The following SYNE2 variants were observed in gnomAD, a reference collection of about 807,000 sequenced individuals.
SYNE2 encodes nesprin-2.
In SYNE2, 431 loss-of-function variants were observed where a neutral mutation model predicts 856.3. That is an observed-to-expected ratio of 0.50 (90% CI 0.47 to 0.55). The LOEUF is 0.55. SYNE2 is among the 20% of genes least tolerant of loss of function. The probability of loss-of-function intolerance (pLI) is 0.00; values close to 1 mark genes in which losing one functional copy is unlikely to be tolerated. For synonymous variants in SYNE2, 2,923 were observed against 2,872.3 expected, an observed-to-expected ratio of 1.02 and a Z score of -0.56; for missense variants, 8,129 against 8,023.2, an observed-to-expected ratio of 1.01 and a Z score of -0.50.
chr14:64,016,715 T>C, intron 33 of SYNE2, 84 bp downstream of exon 33: 1 of 942,188 alleles, frequency 1.1e-6, no homozygotes, highest in Non-Finnish European at 1.6e-6. Flanking sequence ...TAATTCAAGA[T>C]TCAAAAATAC....
intron 6 of SYNE2, among the ~76,000 whole-genome samples, chr14:63,946,790 G>A (rs1056548441): frequency 4.0e-5 from 6 of 151,502 alleles, no homozygotes; most frequent in Non-Finnish European, 8.8e-5. Context: ...TAATGAAGAA[G>A]CATTCATAAT....
intron 61 of SYNE2, among the ~76,000 whole-genome samples, chr14:64,094,604 G>C (rs1340866859): frequency 6.6e-6 from 1 of 152,068 alleles, no homozygotes; most frequent in Non-Finnish European, 1.5e-5. Flanking sequence ...GTGAGACCTG[G>C]GGCAAGTGAT....
At chr14:63,819,936 C>G (rs1889150904) in intron 1 of SYNE2, among the ~76,000 whole-genome samples, 1 of 151,816 alleles carries the variant, frequency 6.6e-6, no homozygotes, top group Admixed American at 6.6e-5. Flanking sequence ...ATATAAAATG[C>G]TTAGGGAATA....
At chr14:63,959,477 T>C (rs1034556900) in intron 8 of SYNE2, among the ~76,000 whole-genome samples, 7 of 151,882 alleles carry the variant, frequency 4.6e-5, no homozygotes, top group South Asian at 2.1e-4. Context: ...TTTGTATTTT[T>C]AGTAGAGAGG....
intron 66 of SYNE2, among the ~76,000 whole-genome samples, chr14:64,117,682 A>C (rs1304646095): frequency 6.6e-6 from 1 of 152,224 alleles, no homozygotes; most frequent in African/African-American, 2.4e-5. Flanking sequence ...CATGAAACAG[A>C]GTTCAACTGT....
At chr14:63,898,845 T>C (rs1440750227) in intron 1 of SYNE2, among the ~76,000 whole-genome samples, 2 of 152,352 alleles carry the variant, frequency 1.3e-5, no homozygotes, top group East Asian at 3.9e-4. Flanking sequence ...AAGTTTTCTT[T>C]TAAAACTTTG....
intron 7 of SYNE2, among the ~76,000 whole-genome samples, chr14:63,951,605 G>C (rs1343763793): frequency 5.9e-5 from 9 of 152,082 alleles, no homozygotes. Flanking sequence ...TCCCGGCCCA[G>C]CCTTACTTTT....
intron 8 of SYNE2, 72 bp from the exon 9 acceptor site, chr14:63,961,453 G>A: frequency 1.6e-6 from 2 of 1,264,996 alleles, no homozygotes; most frequent in Non-Finnish European, 2.3e-6. Flanking sequence ...AGAGGCTATG[G>A]CATAGCCCAT....
In SYNE2 at chr14:64,129,819, A is replaced by T. The variant is rs10133691; in HGVS notation, c.14057A>T (p.Glu4686Val). ...DAYTVELENAESRVAKLRDEG... is the reference protein window; with the variant it reads ...DAYTVELENAVSRVAKLRDEG... ...TATACAGTGGAGCTGGAGAACGCCG[A>T]GAGCCGAGTGGCCAAACTAAGAGAT... The change falls in exon 75 of 116, where the codon GAG (glutamate) becomes GTG (valine). Residue 4686 changes from glutamate (E) to valine (V), a missense_variant. By Grantham distance (121) the Glu-to-Val change is moderately radical. Coordinates refer to ENST00000555002, the MANE Select transcript of SYNE2 (RefSeq NM_182914.3). The T allele has an allele frequency of 1.6e-5, 26 of 1,614,210 alleles. 1 individual carries two copies. In the South Asian group the frequency reaches 2.7e-4, roughly 17 times the overall value.
intron 8 of SYNE2, among the ~76,000 whole-genome samples, chr14:63,957,112 C>A (rs1009798201): frequency 6.6e-6 from 1 of 151,372 alleles, no homozygotes; most frequent in South Asian, 2.1e-4. Context: ...ATCAATACTT[C>A]ATTCCTTTTT....
chr14:63,932,809 G>A (rs746704741), intron 2 of SYNE2, among the ~76,000 whole-genome samples: 2 of 152,334 alleles, frequency 1.3e-5, no homozygotes, highest in African/African-American at 2.4e-5. Flanking sequence ...TTCTATGAAC[G>A]CAGAGAGATG....
In SYNE2 at chr14:64,098,111, G is replaced by T. The variant is rs759431643; in HGVS notation, c.12271G>T (p.Gly4091Cys). The T allele has an allele frequency of 6.2e-7, 1 of 1,614,032 alleles. No homozygotes were observed. Among genetic ancestry groups the T allele is most frequent in the Non-Finnish European group, 8.5e-7 (1 of 1,180,010 alleles). The change falls in exon 62 of 116, where the codon GGT becomes TGT. Residue 4091 changes from glycine (G) to cysteine (C), a missense_variant. Gly to Cys is a radical substitution (Grantham distance 159). Coordinates refer to ENST00000555002, the MANE Select transcript of SYNE2 (RefSeq NM_182914.3). ...DRLPAVTSEE[G>C]GVAERDASER... ...GCTGCCAGCTGTAACATCAGAGGAA[G>T]GTGGAGTGGCAGAGAGGGATGCTTC... is the stretch of plus-strand genomic sequence containing the variant.
chr14:63,776,489 A>G (rs536226452), intron 1 of SYNE2, among the ~76,000 whole-genome samples: 1 of 152,158 alleles, frequency 6.6e-6, no homozygotes, highest in Non-Finnish European at 1.5e-5. Flanking sequence ...GGATGAATTC[A>G]AATAGAAAGA....
In SYNE2 at chr14:64,218,059, C is replaced by T. The variant is rs146945330; in HGVS notation, c.19543-339C>T. Among the ~76,000 whole-genome samples, 17 of 152,306 alleles carry T rather than the reference C, an allele frequency of 1.1e-4. No homozygotes were observed. The East Asian group carries it at 2.7e-3, about 24-fold the overall frequency. On this transcript the variant is annotated intron_variant, in intron 108 of 115. Transcript: ENST00000555002. ...AAATTCAAAGTGCTAACGCAGTAAC[C>T]GTCTGGTAAGCTCAACAAATTGTTC...
chr14:63,851,875 G>T (rs1377735885), upstream of SYNE2, among the ~76,000 whole-genome samples: 2 of 150,816 alleles, frequency 1.3e-5, no homozygotes, highest in Non-Finnish European at 2.9e-5. Context: ...TTGAGGCCAG[G>T]AGTTTGAGAC....
Position 63,802,196 on chromosome 14 carries a change from T to G in SYNE2, c.-305+40210T>G, listed in dbSNP as rs535368211. On this transcript the variant is annotated intron_variant, in intron 1 of 23. Coordinates refer to the SYNE2 transcript ENST00000674003. Reference sequence around the variant, plus strand: ...ATCTTGGCTTACTGCAACCTCCGCCTCTCAGGTTCAAGTGATTCTCCTGCC... The same window carrying G: ...ATCTTGGCTTACTGCAACCTCCGCCGCTCAGGTTCAAGTGATTCTCCTGCC... 4.0e-5 allele frequency among the ~76,000 whole-genome samples: 6 copies of G among 151,774 alleles called. No homozygotes were observed. The East Asian group carries it at 1.2e-3, about 29-fold the overall frequency.
intron 51 of SYNE2, among the ~76,000 whole-genome samples, chr14:64,068,077 ATCAAGGTAT>A (rs1328922447): frequency 6.6e-6 from 1 of 152,236 alleles, no homozygotes; most frequent in Admixed American, 6.5e-5. Context: ...AAGGAAAATC[ATCAAGGTAT>A]TGCAAAGCCT....
intron 7 of SYNE2, among the ~76,000 whole-genome samples, chr14:63,953,339 G>A (rs910198931): frequency 1.3e-5 from 2 of 152,188 alleles, no homozygotes; most frequent in Non-Finnish European, 2.9e-5. Flanking sequence ...GAGCGTCCAA[G>A]GACAGTGACT....
chr14:64,074,284 G>C, intron 53 of SYNE2, 148 bp downstream of exon 53: 1 of 797,982 alleles, frequency 1.3e-6, no homozygotes, highest in Non-Finnish European at 2.2e-6. Context: ...CCTGTGGCAT[G>C]GTATGGGCAG....
Sources: gnomAD v4.1 joint callset for allele counts (sites outside exome capture counted in the v4.1 genomes callset) on GRCh38, gnomAD v4.1.1 for gene constraint, MANE v1.5 for transcripts, NCBI Gene and HGNC (gene_info 2026-07-23, HGNC 2026-07-21) for gene names.